The following EIF3B variants were observed in gnomAD, a reference collection of about 807,000 sequenced individuals.
EIF3B encodes eukaryotic translation initiation factor 3 subunit 9.
In EIF3B, 10 loss-of-function variants were observed where a neutral mutation model predicts 104.6. That is an observed-to-expected ratio of 0.10 (90% confidence interval 0.06 to 0.16). The LOEUF is 0.16. Ranked by LOEUF, EIF3B falls within the 10% of genes least tolerant of loss-of-function variation. The pLI, the probability that EIF3B is intolerant of heterozygous loss-of-function variation, is 1.00. For synonymous variants in EIF3B, 542 were observed against 417.2 expected (o/e 1.30, Z -3.65); for missense variants, 1,014 against 1,087.9 (o/e 0.93, Z 0.96).
At chr7:2,366,978 G>A (rs1780058588) in intron 8 of EIF3B, 21 bp from the exon 9 acceptor site, 1 of 1,609,888 alleles carries the variant, frequency 6.2e-7, no homozygotes, top group Non-Finnish European at 8.5e-7. Flanking sequence ...CTCAACTGCA[G>A]CCTTCCTTTT....
At chr7:2,360,134 G>C (rs1779653035) in intron 1 of EIF3B, among the ~76,000 whole-genome samples, 2 of 152,184 alleles carry the variant, frequency 1.3e-5, no homozygotes, top group Non-Finnish European at 1.5e-5. Flanking sequence ...CTGGGAACAG[G>C]AGGTGGGAGA....
At position 2,355,232 on chromosome 7, in the gene EIF3B, A is replaced by G; in HGVS notation, c.311A>G (p.Gln104Arg). ...CATGCTGAGCCCCCTGTCCCGGCAC[A>G]GGGCGAGGCCCCAGGAGAGCAGGCT... ...GSHAEPPVPA[Q>R]GEAPGEQARD... The change falls in exon 1 of 19, where the codon CAG becomes CGG. Residue 104 changes from glutamine to arginine, a missense_variant. By Grantham distance (43) the Gln-to-Arg change is conservative. Transcript: ENST00000360876. 6.7e-7 allele frequency: 1 copy of G among 1,503,216 alleles called. No individual in the cohort carries two copies. 93.1% of individuals were successfully genotyped at this position (1,503,216 alleles called of 1,614,324 possible). A position where few individuals can be genotyped will look rare whatever the true frequency, so the allele number is the denominator to read the frequency against.
rs560796532 is a variant in EIF3B, at chr7:2,361,458, C to T, written c.692+556C>T. 1.6e-3 allele frequency among the ~76,000 whole-genome samples: 245 copies of T among 152,150 alleles called. 1 individual carries two copies. Among genetic ancestry groups the T allele is most frequent in the Admixed American group, 2.5e-3 (38 of 15,272 alleles). On this transcript the variant is annotated intron_variant, in intron 2 of 18. Coordinates refer to ENST00000360876, the MANE Select transcript of EIF3B (RefSeq NM_001037283.2). ...TTTTTGAGTCGGAGTCTCGCTCTGTCGCCCAGGCTGGAGTGCAGTGTCGCA... is the reference window on the plus strand; with the variant it reads ...TTTTTGAGTCGGAGTCTCGCTCTGTTGCCCAGGCTGGAGTGCAGTGTCGCA...
At chr7:2,362,360 C>T (rs530069418) in intron 2 of EIF3B, among the ~76,000 whole-genome samples, 5 of 152,282 alleles carry the variant, frequency 3.3e-5, no homozygotes, top group African/African-American at 1.2e-4. Context: ...GTACATATCA[C>T]GAAACCATCG....
At chr7:2,373,435 T>C (rs540299665) in intron 12 of EIF3B, 1 of 152,430 alleles carries the variant, frequency 6.6e-6, no homozygotes, top group African/African-American at 2.4e-5. Context: ...GAGGTGGCGA[T>C]GGGCTGTGTT....
chr7:2,375,419 T>C lies in EIF3B; in HGVS notation c.1920T>C (p.Thr640=), dbSNP rs1780577380. Residue 640 remains threonine, a synonymous_variant, in exon 14 of 19, where the codon ACT becomes ACC. Transcript: ENST00000360876. Reference sequence around the variant, plus strand: ...ACGGTGCCTTAGCGTTTGTGGACACTTCGGACTGCACGGTCATGAACATCG... The same window carrying C: ...ACGGTGCCTTAGCGTTTGTGGACACCTCGGACTGCACGGTCATGAACATCG... ...SMNGALAFVD[T]SDCTVMNIAE... is the part of the protein sequence containing the mutation. 6.2e-7 allele frequency: 1 copy of C among 1,614,090 alleles called. No homozygotes were observed. The highest frequency in any genetic ancestry group is 1.3e-5 in the African/African-American group (1 of 74,916).
At position 2,376,992 on chromosome 7, in the gene EIF3B, C is replaced by T; in HGVS notation, c.2071C>T (p.Leu691=). 2 of 1,613,972 alleles carry T rather than the reference C, an allele frequency of 1.2e-6. No homozygotes were observed. Among genetic ancestry groups the T allele is most frequent in the South Asian group, 2.2e-5 (2 of 91,076 alleles). Residue 691 remains leucine (L), a synonymous_variant, in exon 15 of 19, where the codon CTG becomes TTG. Coordinates refer to ENST00000360876, the MANE Select transcript of EIF3B (RefSeq NM_001037283.2). ...GCTGTGGACTTTCCAGGGACGCCTC[C>T]TGCAGAAGAACAACAAGGACCGCTT... ...YWLWTFQGRL[L]QKNNKDRFCQ... is the part of the protein sequence containing the mutation.
At chr7:2,366,188 G>A (rs1233573996) in intron 6 of EIF3B, 129 bp from the exon 7 acceptor site, 16 of 963,862 alleles carry the variant, frequency 1.7e-5, no homozygotes, top group Admixed American at 5.5e-5. Context: ...GGTCTCTTGG[G>A]GCCGGGCAGT....
Position 2,380,254 on chromosome 7 carries a change from G to A in EIF3B, c.*65G>A. 2.1e-6 allele frequency: 1 copy of A among 481,822 alleles called. No individual in the cohort carries two copies. The highest frequency in any genetic ancestry group is 4.1e-6 in the Non-Finnish European group (1 of 241,484). 29.8% of individuals were successfully genotyped at this position (481,822 alleles called of 1,614,324 possible). On this transcript the variant is annotated 3_prime_UTR_variant, in exon 19 of 19. Coordinates refer to ENST00000360876, the MANE Select transcript of EIF3B (RefSeq NM_001037283.2). ...GCGCTGAGCTACAGGACTCCCGAGTGTGAGCCGCGGTTCCTCTGTTGCAGC... is the reference window on the plus strand; with the variant it reads ...GCGCTGAGCTACAGGACTCCCGAGTATGAGCCGCGGTTCCTCTGTTGCAGC...
At chr7:2,375,633 C>T (rs1377476769) in intron 14 of EIF3B, 106 bp downstream of exon 14, 2 of 1,518,538 alleles carry the variant, frequency 1.3e-6, no homozygotes, top group African/African-American at 1.4e-5. Flanking sequence ...GGCACCAAGC[C>T]TCTGTGTTGA....
intron 11 of EIF3B, 51 bp downstream of exon 11, chr7:2,371,900 T>C: frequency 1.4e-6 from 2 of 1,452,290 alleles, no homozygotes; most frequent in Non-Finnish European, 9.7e-7. Context: ...CGTGCTGTTT[T>C]ACTCTTGGCT....
Position 2,374,521 on chromosome 7 carries a change from C to T in EIF3B, c.1811-7C>T, listed in dbSNP as rs556676625. On this transcript the variant is annotated splice_region_variant and splice_polypyrimidine_tract_variant and intron_variant, in intron 12 of 18. Coordinates refer to ENST00000360876, the MANE Select transcript of EIF3B (RefSeq NM_001037283.2). ...CAGCTCGTGACAGGCGCGCTCTTTC[C>T]TTTCAGAGATGTTCGACAAGCAGCA... 6.8e-6 allele frequency: 11 copies of T among 1,613,850 alleles called. No homozygotes were observed. In the South Asian group the frequency reaches 9.9e-5, roughly 14 times the overall value.
At chr7:2,379,836 G>A (rs1780899129) in intron 18 of EIF3B, 4 of 340,242 alleles carry the variant, frequency 1.2e-5, no homozygotes, top group East Asian at 7.5e-5. Flanking sequence ...TGACGGCCGC[G>A]GTGTGTCCAC....
chr7:2,378,954 A>G, intron 16 of EIF3B, 180 bp from the exon 17 acceptor site: 1 of 737,650 alleles, frequency 1.4e-6, no homozygotes, highest in East Asian at 2.7e-5. Flanking sequence ...TGGTGACCTC[A>G]CTGCTGCCTT....
At chr7:2,371,912 T>G in intron 11 of EIF3B, 63 bp downstream of exon 11, 1 of 1,325,244 alleles carries the variant, frequency 7.5e-7, no homozygotes, top group South Asian at 1.2e-5. Flanking sequence ...CTCTTGGCTT[T>G]AACACTTCCA....
chr7:2,367,955 G>A (rs1257555820), intron 9 of EIF3B, among the ~76,000 whole-genome samples: 1 of 137,576 alleles, frequency 7.3e-6, no homozygotes. Context: ...GATTCTCCTT[G>A]CCTTAGACTC....
intron 11 of EIF3B, chr7:2,372,165 C>T: frequency 2.9e-6 from 1 of 342,470 alleles, no homozygotes; most frequent in East Asian, 5.5e-5. Context: ...GAGATTGCGC[C>T]CCTGCACTCC....
intron 1 of EIF3B, among the ~76,000 whole-genome samples, chr7:2,359,655 G>C (rs57886450): frequency 1.4e-3 from 220 of 152,348 alleles, no homozygotes; most frequent in African/African-American, 5.1e-3. Context: ...GATAGTGGGA[G>C]CCCTGCTTTG....
At chr7:2,374,979 A>C in intron 13 of EIF3B, 1 of 300,502 alleles carries the variant, frequency 3.3e-6, no homozygotes, top group East Asian at 6.2e-5. Flanking sequence ...AGGCTGCCTT[A>C]CCTTTGTGGT....
Sources: gnomAD v4.1 joint callset for allele counts (sites outside exome capture counted in the v4.1 genomes callset) on GRCh38, gnomAD v4.1.1 for gene constraint, MANE v1.5 for transcripts, NCBI Gene and HGNC (gene_info 2026-07-23, HGNC 2026-07-21) for gene names.